The following GPM6A variants were observed in gnomAD, a reference collection of about 807,000 sequenced individuals.
The protein encoded by GPM6A is glycoprotein M6A.
A neutral mutation model predicts 32.1 loss-of-function variants in GPM6A; 7 were observed. The observed-to-expected ratio is 0.22, with a 90% CI of 0.12 to 0.41. The LOEUF is 0.41. Among genes scored for constraint, GPM6A ranks in the 10% least tolerant of loss-of-function variants. The pLI, the probability that GPM6A is intolerant of heterozygous loss-of-function variation, is 1.00. For missense variants in GPM6A, 235 were observed against 347.2 expected (o/e 0.68, Z 2.57); for synonymous variants, 130 against 123.4 (o/e 1.05, Z -0.35).
intron 1 of GPM6A, chr4:175,790,418 G>A (rs376813814): frequency 2.4e-4 from 36 of 152,274 alleles, no homozygotes; most frequent in Admixed American, 9.8e-4. Context: ...GATGCTTGCA[G>A]TAAGATCACC....
chr4:175,707,381 A>T (rs1364269413), intron 1 of GPM6A, among the ~76,000 whole-genome samples: 4 of 152,172 alleles, frequency 2.6e-5, no homozygotes, highest in Non-Finnish European at 5.9e-5. Context: ...TTTCTTCATG[A>T]ATGTCATGGC....
chr4:175,673,217 T>A (rs551430863), intron 3 of GPM6A, among the ~76,000 whole-genome samples: 27 of 152,242 alleles, frequency 1.8e-4, no homozygotes, highest in African/African-American at 6.3e-4. Context: ...TTAAATATTA[T>A]ATAAATTAAA....
At chr4:175,644,053 T>C (rs1741305966) in intron 4 of GPM6A, among the ~76,000 whole-genome samples, 1 of 151,242 alleles carries the variant, frequency 6.6e-6, no homozygotes, top group Non-Finnish European at 1.5e-5. Flanking sequence ...ACTTGATCTC[T>C]CAAGTCTCCC....
At chr4:175,884,048 GC>G (rs1021665559) in intron 1 of GPM6A, among the ~76,000 whole-genome samples, 1 of 152,114 alleles carries the variant, frequency 6.6e-6, no homozygotes, top group African/African-American at 2.4e-5. Context: ...TCAAAAATAA[GC>G]TTTTCCTTTT....
chr4:175,835,567 C>T (rs970378443), intron 1 of GPM6A, among the ~76,000 whole-genome samples: 1 of 150,142 alleles, frequency 6.7e-6, no homozygotes, highest in Admixed American at 6.7e-5. Context: ...AATATTGACT[C>T]CTGGTGTGTG....
At chr4:175,774,219 G>GA (rs146801772) in intron 1 of GPM6A, among the ~76,000 whole-genome samples, 3,067 of 152,082 alleles carry the variant, frequency 0.02, 56 homozygotes, top group Non-Finnish European at 0.031. Flanking sequence ...CAAGTCCAGT[G>GA]GAAGGAAATT....
At chr4:175,678,337 G>A (rs1743492806) in intron 2 of GPM6A, among the ~76,000 whole-genome samples, 2 of 152,106 alleles carry the variant, frequency 1.3e-5, no homozygotes, top group African/African-American at 4.8e-5. Flanking sequence ...ACAAATTGTT[G>A]TTTATTTCAC....
chr4:175,775,869 T>C lies in GPM6A; in HGVS notation c.37+36322A>G, dbSNP rs368570476. ...CATGCTGCGGAAATCCAAGTTATAA[T>C]CTATAAATCAGCCCAATGGAATGAA... On this transcript the variant is annotated intron_variant, in intron 1 of 6. Coordinates refer to ENST00000393658, the MANE Select transcript of GPM6A (RefSeq NM_201591.3). Among the ~76,000 whole-genome samples, 23 of 152,236 alleles carry C rather than the reference T, an allele frequency of 1.5e-4. No individual in the cohort carries two copies. In the East Asian group the frequency reaches 3.1e-3, roughly 20 times the overall value.
At chr4:175,810,520 G>A (rs1734876353) in intron 1 of GPM6A, among the ~76,000 whole-genome samples, 2 of 152,062 alleles carry the variant, frequency 1.3e-5, no homozygotes, top group African/African-American at 4.8e-5. Context: ...AAGCTTTTCA[G>A]TGTTACCTGA....
chr4:175,979,172 G>T (rs1740750281), intron 1 of GPM6A, among the ~76,000 whole-genome samples: 1 of 152,156 alleles, frequency 6.6e-6, no homozygotes, highest in Non-Finnish European at 1.5e-5. Context: ...TTCATGAGGT[G>T]TAAGTTTAAC....
chr4:175,671,836 G>A (rs1280818778), intron 3 of GPM6A, among the ~76,000 whole-genome samples: 1 of 152,130 alleles, frequency 6.6e-6, no homozygotes, highest in African/African-American at 2.4e-5. Flanking sequence ...TGCTCATTCC[G>A]GGGTGTCAGG....
At chr4:175,879,954 C>T (rs1560976941) in intron 1 of GPM6A, among the ~76,000 whole-genome samples, 3 of 152,118 alleles carry the variant, frequency 2.0e-5, no homozygotes, top group African/African-American at 7.2e-5. Context: ...GACATGAAGT[C>T]CTTGCCCATG....
intron 1 of GPM6A, among the ~76,000 whole-genome samples, chr4:175,951,634 T>C (rs1238000650): frequency 6.6e-6 from 1 of 152,232 alleles, no homozygotes; most frequent in Non-Finnish European, 1.5e-5. Flanking sequence ...AAGTAATAGC[T>C]AATAAGAAAT....
chr4:175,904,070 G>A (rs10033742), intron 1 of GPM6A, among the ~76,000 whole-genome samples: 107,502 of 151,930 alleles, frequency 0.71, 38,277 homozygotes, highest in Non-Finnish European at 0.73. Flanking sequence ...GTAAAGTTAG[G>A]GAGTAGCACA....
intron 1 of GPM6A, among the ~76,000 whole-genome samples, chr4:175,709,740 A>T (rs1362621350): frequency 6.6e-6 from 1 of 151,894 alleles, no homozygotes; most frequent in Non-Finnish European, 1.5e-5. Flanking sequence ...AAAAAAAAAA[A>T]AAAAAAAATT....
intron 1 of GPM6A, among the ~76,000 whole-genome samples, chr4:175,994,827 T>C (rs1232168901): frequency 1.3e-5 from 2 of 152,250 alleles, no homozygotes; most frequent in African/African-American, 2.4e-5. Flanking sequence ...ATTTTACTCA[T>C]AGTAGAACTT....
At chr4:175,905,954 G>A (rs533907587) in intron 1 of GPM6A, among the ~76,000 whole-genome samples, 1 of 152,222 alleles carries the variant, frequency 6.6e-6, no homozygotes, top group South Asian at 2.1e-4. Context: ...GCATTTCCCT[G>A]TATCTTTGCT....
intron 1 of GPM6A, among the ~76,000 whole-genome samples, chr4:175,967,851 C>G (rs1473197368): frequency 1.3e-5 from 2 of 152,052 alleles, no homozygotes; most frequent in African/African-American, 4.8e-5. Flanking sequence ...CCAATTAGAT[C>G]TATAGTTGCA....
intron 2 of GPM6A, among the ~76,000 whole-genome samples, chr4:175,701,060 T>G (rs2111063213): frequency 6.6e-6 from 1 of 152,332 alleles, no homozygotes; most frequent in South Asian, 2.1e-4. Flanking sequence ...GCTTGATTTC[T>G]TATGATTTAC....
Sources: allele counts gnomAD v4.1 joint callset (sites outside exome capture counted in the v4.1 genomes callset), GRCh38; gene constraint gnomAD v4.1.1; transcripts MANE v1.5; gene names NCBI Gene and HGNC (gene_info 2026-07-23, HGNC 2026-07-21).